SCARB2: variants seen among roughly 807,000 people sequenced by gnomAD.
The protein encoded by SCARB2 is scavenger receptor class B member 2, also known as lysosome membrane protein 2.
Under a neutral mutation model 58.6 loss-of-function variants are expected in SCARB2, and 29 were observed. That is an observed-to-expected ratio of 0.49 (90% CI 0.37 to 0.67). The LOEUF is 0.67. SCARB2 is among the 30% of genes least tolerant of loss of function. SCARB2 has a pLI of 0.00. For synonymous variants in SCARB2, 195 were observed against 210.1 expected, an observed-to-expected ratio of 0.93 and a Z score of 0.62; for missense variants, 488 against 578.5, an observed-to-expected ratio of 0.84 and a Z score of 1.60.
At chr4:76,220,870 G>T (rs1035808961) in intron 1 of SCARB2, among the ~76,000 whole-genome samples, 2 of 152,132 alleles carry the variant, frequency 1.3e-5, no homozygotes, top group Non-Finnish European at 2.9e-5. Flanking sequence ...ATGCTTCCAG[G>T]TGCTCACCTG....
chr4:76,179,059 T>G (rs201081292), intron 4 of SCARB2: 5,889 of 107,336 alleles, frequency 0.055, 149 homozygotes, highest in Middle Eastern at 0.13. Context: ...TTTTGTTTTT[T>G]TTTTGGCTTT....
chr4:76,163,517 T>C (rs1029378607), intron 10 of SCARB2, 134 bp from the exon 11 acceptor site: 66 of 906,998 alleles, frequency 7.3e-5, no homozygotes, highest in Middle Eastern at 3.1e-4. Context: ...TGAAAATCCA[T>C]TTATAAGTCA....
chr4:76,183,755 C>A (rs765005580), intron 2 of SCARB2, among the ~76,000 whole-genome samples: 2 of 152,186 alleles, frequency 1.3e-5, no homozygotes, highest in Non-Finnish European at 2.9e-5. Flanking sequence ...AAGTCCCAAC[C>A]CTCTAATCCT....
At chr4:76,202,269 T>C (rs1248935773) in intron 1 of SCARB2, among the ~76,000 whole-genome samples, 1 of 152,178 alleles carries the variant, frequency 6.6e-6, no homozygotes, top group African/African-American at 2.4e-5. Flanking sequence ...TTCAGTTACT[T>C]ATTTATTTTT....
At chr4:76,193,703 C>T (rs1234781513) in intron 2 of SCARB2, 1 of 152,226 alleles carries the variant, frequency 6.6e-6, no homozygotes, top group Non-Finnish European at 1.5e-5. Context: ...AATGCTGATA[C>T]ACCCATTGTA....
chr4:76,168,525 A>C (rs1279882679), intron 8 of SCARB2, 49 bp from the exon 9 acceptor site: 1 of 1,525,364 alleles, frequency 6.6e-7, no homozygotes, highest in East Asian at 2.2e-5. Flanking sequence ...ATTAAACTGC[A>C]AACAACTTTT....
chr4:76,174,519 G>A (rs979461591), intron 6 of SCARB2: 6 of 570,710 alleles, frequency 1.1e-5, no homozygotes, highest in South Asian at 4.0e-5. Flanking sequence ...TTGTAGCAAC[G>A]GTGATATCAT....
chr4:76,178,016 A>T lies in SCARB2; in HGVS notation c.613-1488T>A, dbSNP rs186608580. Among the ~76,000 whole-genome samples the T allele has an allele frequency of 9.2e-5, 14 of 152,324 alleles. No individual in the cohort carries two copies. In the East Asian group the frequency reaches 2.5e-3, roughly 27 times the overall value. On this transcript the variant is annotated intron_variant, in intron 4 of 11. Transcript: ENST00000264896. ...CTGAATTGTACATTTTAAAATGGTAAATGTTATAGTAAGTGAATTATTTCT... is the reference window on the plus strand; with the variant it reads ...CTGAATTGTACATTTTAAAATGGTATATGTTATAGTAAGTGAATTATTTCT...
Position 76,179,725 on chromosome 4 carries a change from T to C in SCARB2, c.424-20A>G. The C allele has an allele frequency of 1.3e-6, 2 of 1,598,844 alleles. No individual in the cohort carries two copies. The highest frequency in any genetic ancestry group is 1.7e-6 in the Non-Finnish European group (2 of 1,167,224). The stretch of plus-strand genomic sequence containing the variant: ...GACAGTCTGCGGAGCAGAGGTATAT[T>C]AAGACAGCAGCATCCCCTCCAAAGC... On this transcript the variant is annotated intron_variant, in intron 3 of 11. Transcript: ENST00000264896.
chr4:76,222,176 A>G lies in SCARB2; in HGVS notation c.-358+12127T>C, dbSNP rs114197046. On this transcript the variant is annotated intron_variant, in intron 1 of 11. Coordinates refer to the SCARB2 transcript ENST00000638295. Reference sequence around the variant, plus strand: ...ATACTACTTTTAAATTCAGTCTCCAATCCTTCCAGTGTCCAATTCATGAAC... The same window carrying G: ...ATACTACTTTTAAATTCAGTCTCCAGTCCTTCCAGTGTCCAATTCATGAAC... 3.7e-3 allele frequency among the ~76,000 whole-genome samples: 568 copies of G among 152,180 alleles called. 7 individuals carry two copies. The highest frequency in any genetic ancestry group is 0.013 in the African/African-American group (551 of 41,532).
chr4:76,231,386 G>T (rs4859431), intron 1 of SCARB2, among the ~76,000 whole-genome samples: 1 of 151,934 alleles, frequency 6.6e-6, no homozygotes, highest in African/African-American at 2.4e-5. Flanking sequence ...GGAGACTGCC[G>T]GTTGGTTCAC....
At chr4:76,196,824 G>C (rs917766697) in intron 1 of SCARB2, among the ~76,000 whole-genome samples, 1 of 152,190 alleles carries the variant, frequency 6.6e-6, no homozygotes, top group Non-Finnish European at 1.5e-5. Context: ...CCCCTGTTCT[G>C]TGTTACAGGA....
At chr4:76,165,878 T>C (rs1553947210) in intron 10 of SCARB2, 1 of 330,892 alleles carries the variant, frequency 3.0e-6, no homozygotes, top group Non-Finnish European at 5.7e-6. Context: ...TAAACCAGCA[T>C]GGTTTCAAAG....
chr4:76,169,379 CAATT>C (rs1404770817), intron 8 of SCARB2, among the ~76,000 whole-genome samples: 1 of 151,446 alleles, frequency 6.6e-6, no homozygotes, highest in African/African-American at 2.4e-5. Flanking sequence ...GATACCTTTA[CAATT>C]AATAATATAA....
chr4:76,231,627 A>G (rs959848257), intron 1 of SCARB2, among the ~76,000 whole-genome samples: 7 of 152,224 alleles, frequency 4.6e-5, no homozygotes, highest in African/African-American at 1.4e-4. Flanking sequence ...GTACAGCAAG[A>G]ATTATTATTT....
At chr4:76,230,727 A>G (rs1441904) in intron 1 of SCARB2, among the ~76,000 whole-genome samples, 50,184 of 151,942 alleles carry the variant, frequency 0.33, 9,090 homozygotes, top group East Asian at 0.77. Context: ...TCACCACCAT[A>G]GGTGTTAAAA....
chr4:76,166,483 C>A (rs1732011684), intron 9 of SCARB2, 182 bp from the exon 10 acceptor site: 1 of 670,738 alleles, frequency 1.5e-6, no homozygotes, highest in Non-Finnish European at 2.7e-6. Context: ...GTCTGTCTAG[C>A]AATTCCATGT....
At chr4:76,206,330 C>T (rs988109527) in intron 1 of SCARB2, among the ~76,000 whole-genome samples, 3 of 152,156 alleles carry the variant, frequency 2.0e-5, no homozygotes, top group Non-Finnish European at 2.9e-5. Flanking sequence ...GAAGGCAGGT[C>T]TCTTCTAAGG....
intron 1 of SCARB2, among the ~76,000 whole-genome samples, chr4:76,219,670 CTT>C (rs1733273786): frequency 6.6e-6 from 1 of 151,796 alleles, no homozygotes; most frequent in Non-Finnish European, 1.5e-5. Flanking sequence ...TAGAGGCAGA[CTT>C]TGTCAGCCTG....
Sources: allele counts gnomAD v4.1 joint callset (sites outside exome capture counted in the v4.1 genomes callset), GRCh38; gene constraint gnomAD v4.1.1; transcripts MANE v1.5; gene names NCBI Gene and HGNC (gene_info 2026-07-23, HGNC 2026-07-21).